Variants in ATP8B3 observed in about 807,000 individuals in gnomAD.
The protein encoded by ATP8B3 is phospholipid-transporting ATPase IK.
ATP8B3 carries 141 observed loss-of-function variants against 140.9 expected under a neutral mutation model. The ratio of observed to expected loss-of-function variants is 1.00; its 90% confidence interval spans 0.87 to 1.15. ATP8B3 has a LOEUF of 1.15. ATP8B3 is among the 50% of genes most tolerant of loss of function. The pLI is 0.00. For synonymous variants in ATP8B3, 765 were observed against 714.6 expected, an observed-to-expected ratio of 1.07 and a Z score of -1.13; for missense variants, 1,874 against 1,740.6, an observed-to-expected ratio of 1.08 and a Z score of -1.36.
chr19:1,807,188 G>T lies in ATP8B3; in HGVS notation c.595C>A (p.Arg199=). 1 of 1,611,842 alleles carries T rather than the reference G, an allele frequency of 6.2e-7. No homozygotes were observed. The highest frequency in any genetic ancestry group is 8.5e-7 in the Non-Finnish European group (1 of 1,179,182). The change falls in exon 6 of 29, where the codon CGG becomes AGG. Residue 199 remains arginine (R), a synonymous_variant. Transcript: ENST00000310127. The surrounding 1 kb of genome is among the most constrained non-coding windows in gnomAD (Gnocchi z 5.9). Reference sequence around the variant, plus strand: ...CTCACCATGTCGTCCACCAGGTCCCGGGTGGCACGGATGAAGAGGAGGCAG... The same window carrying T: ...CTCACCATGTCGTCCACCAGGTCCCTGGTGGCACGGATGAAGAGGAGGCAG... ...MVCLLFIRAT[R]DLVDDMGRHK...
Position 1,795,938 on chromosome 19 carries a change from C to T in ATP8B3, c.1992G>A (p.Thr664=), listed in dbSNP as rs529257997. Residue 664 remains threonine (T), a synonymous_variant, in exon 18 of 29, where the codon ACG becomes ACA. Transcript: ENST00000310127. The part of the protein sequence containing the change: ...AICLYTKGAD[T]VIFERLHRRG... ...TCCTGTGCAAGCGTTCGAAGATGACCGTGTCGGCGCCCTTGGTGTACAGGC... is the reference window on the plus strand; with the variant it reads ...TCCTGTGCAAGCGTTCGAAGATGACTGTGTCGGCGCCCTTGGTGTACAGGC... 2.1e-4 allele frequency: 341 copies of T among 1,613,226 alleles called. 1 individual carries two copies. The highest frequency in any genetic ancestry group is 4.1e-5 in the Non-Finnish European group (48 of 1,179,844).
At chr19:1,791,313 C>T (rs952934101) in intron 20 of ATP8B3, among the ~76,000 whole-genome samples, 2 of 151,860 alleles carry the variant, frequency 1.3e-5, no homozygotes, top group East Asian at 3.9e-4. Context: ...TGGGCATAAG[C>T]GAGCCTCCTG....
intron 21 of ATP8B3, 54 bp downstream of exon 21, chr19:1,790,703 C>T (rs1600409776): frequency 1.3e-6 from 2 of 1,499,612 alleles, no homozygotes; most frequent in Non-Finnish European, 1.8e-6. Flanking sequence ...CTGGGTGCTC[C>T]TTGTCCTCAC....
Position 1,800,338 on chromosome 19 carries a change from C to T in ATP8B3, c.1264G>A (p.Val422Met), listed in dbSNP as rs372244158. The T allele has an allele frequency of 9.3e-6, 15 of 1,612,638 alleles. No homozygotes were observed. Among genetic ancestry groups the T allele is most frequent in the South Asian group, 5.5e-5 (5 of 91,062 alleles). ...AAGACGAAGAAGGACTCTGCGGCCA[C>T]GCTGCTCCCATGCACCCCCGAGAGG... ...YYLSGVHGSS[V>M]AAESFFVFWS... Residue 422 changes from valine (V) to methionine (M), a missense_variant, in exon 13 of 29, where the codon GTG (valine) becomes ATG (methionine). Physicochemically the swap from Val to Met is conservative, Grantham distance 21. This residue lies in a region of ATP8B3 where 1,032 missense variants were observed against 963.6 expected (regional missense o/e 1.07). Transcript: ENST00000310127. This position sits in a 1 kb window ranked among gnomAD's most constrained non-coding sequence, Gnocchi z 4.4.
Position 1,789,044 on chromosome 19 carries a change from C to G in ATP8B3, c.2922G>C (p.Gln974His), listed in dbSNP as rs1342024878. The G allele has an allele frequency of 6.2e-7, 1 of 1,607,362 alleles. No homozygotes were observed. The highest frequency in any genetic ancestry group is 8.5e-7 in the Non-Finnish European group (1 of 1,177,786). ...GCAGGAGGCGCTGCAGGAAGCAGAACTGGCCGAGCACGAAGTCGCTGTTCT... is the reference window on the plus strand; with the variant it reads ...GCAGGAGGCGCTGCAGGAAGCAGAAGTGGCCGAGCACGAAGTCGCTGTTCT... Reference protein sequence around the residue: ...AVQNSDFVLGQFCFLQRLLLV... With the variant: ...AVQNSDFVLGHFCFLQRLLLV... The change falls in exon 24 of 29, where the codon CAG becomes CAC. Residue 974 changes from glutamine to histidine, a missense_variant. Physicochemically the swap from Gln to His is conservative, Grantham distance 24. This residue lies in a region of ATP8B3 where 840 missense variants were observed against 760.9 expected (regional missense o/e 1.10). Transcript: ENST00000310127.
At chr19:1,801,030 G>C in intron 12 of ATP8B3, among the ~76,000 whole-genome samples, 1 of 151,364 alleles carries the variant, frequency 6.6e-6, no homozygotes, top group Non-Finnish European at 1.5e-5. Flanking sequence ...GGGTTTCACT[G>C]TGTTAGCCAG....
rs2068398707 is a variant in ATP8B3, at chr19:1,789,090, T to C, written c.2876A>G (p.Gln959Arg). 5 of 1,577,596 alleles carry C rather than the reference T, an allele frequency of 3.2e-6. No individual in the cohort carries two copies. The highest frequency in any genetic ancestry group is 4.3e-6 in the Non-Finnish European group (5 of 1,168,478). The change falls in exon 24 of 29, where the codon CAG (glutamine) becomes CGG (arginine). Residue 959 changes from glutamine (Q) to arginine (R), a missense_variant. Transcript: ENST00000310127. ...TADVGVGLAGQEGMQAVQNSD... is the reference protein window; with the variant it reads ...TADVGVGLAGREGMQAVQNSD... ...GTTCTGAACTGCCTGCATGCCCTCCTGGCCCGCCAGCCCCACGCCCACGTC... is the reference window on the plus strand; with the variant it reads ...GTTCTGAACTGCCTGCATGCCCTCCCGGCCCGCCAGCCCCACGCCCACGTC...
chr19:1,805,503 T>C lies in ATP8B3; in HGVS notation c.822-47A>G. On this transcript the variant is annotated intron_variant, in intron 9 of 28. Coordinates refer to ENST00000310127, the MANE Select transcript of ATP8B3 (RefSeq NM_138813.4). This position sits in a 1 kb window ranked among gnomAD's most constrained non-coding sequence, Gnocchi z 5.2. ...AGGTGAAAGTGGAGTTGATGGATGCTTCGAGGAGCCCCCAGACCCCTTCTG... is the reference window on the plus strand; with the variant it reads ...AGGTGAAAGTGGAGTTGATGGATGCCTCGAGGAGCCCCCAGACCCCTTCTG... The C allele has an allele frequency of 6.8e-7, 1 of 1,460,790 alleles. No homozygotes were observed. The highest frequency in any genetic ancestry group is 1.2e-5 in the South Asian group (1 of 82,450). The allele number at this position is 1,460,790 out of a possible 1,614,324, so 90.5% of individuals were successfully genotyped here. A position where few individuals can be genotyped will look rare whatever the true frequency, so the allele number is the denominator to read the frequency against.
In ATP8B3 at chr19:1,782,248, G is replaced by C; in HGVS notation, c.*780C>G. 1 of 323,190 alleles carries C rather than the reference G, an allele frequency of 3.1e-6. No individual in the cohort carries two copies. The highest frequency in any genetic ancestry group is 5.8e-6 in the Non-Finnish European group (1 of 171,148). The allele number at this position is 323,190 out of a possible 1,614,324, so 20.0% of individuals were successfully genotyped here. The stretch of plus-strand genomic sequence containing the variant: ...ATGCCAGCGTGACTCCTTTGGGCTC[G>C]AAGATGCCTCTTCATCAGATGGGTC... On this transcript the variant is annotated 3_prime_UTR_variant, in exon 29 of 29. Coordinates refer to ENST00000310127, the MANE Select transcript of ATP8B3 (RefSeq NM_138813.4).
intron 10 of ATP8B3, among the ~76,000 whole-genome samples, chr19:1,803,344 C>G (rs2068911667): frequency 1.3e-5 from 2 of 152,274 alleles, no homozygotes; most frequent in African/African-American, 2.4e-5. Flanking sequence ...GGATGGGGAC[C>G]CTGACTCCAT....
At position 1,789,530 on chromosome 19, in the gene ATP8B3, C is replaced by T. The variant is rs750750483; in HGVS notation, c.2676G>A (p.Glu892=). ...AQDSRARRSS[E]VLQERAFVDL... The stretch of plus-strand genomic sequence containing the variant: ...CCACGAAGGCGCGCTCCTGCAGCAC[C>T]TCGGAGCTACGGCGGGCTCTGGAGT... Residue 892 remains glutamate, a synonymous_variant, in exon 23 of 29, where the codon GAG becomes GAA. Coordinates refer to ENST00000310127, the MANE Select transcript of ATP8B3 (RefSeq NM_138813.4). 14 of 1,598,096 alleles carry T rather than the reference C, an allele frequency of 8.8e-6. No homozygotes were observed. The highest frequency in any genetic ancestry group is 1.1e-5 in the Non-Finnish European group (13 of 1,178,736).
Position 1,792,133 on chromosome 19 carries a change from G to C in ATP8B3, c.2058C>G (p.Ala686=), listed in dbSNP as rs754955829. The change falls in exon 19 of 29, where the codon GCC becomes GCG. Residue 686 remains alanine (A), a splice_region_variant and synonymous_variant. Coordinates refer to ENST00000310127, the MANE Select transcript of ATP8B3 (RefSeq NM_138813.4). ...GTGTCCGCAGGGTCTCCTGGGCAAA[G>C]GCCTGGGGGCCGGGCAGGTGGAAGC... ...MEFATEEALA[A]FAQETLRTLC... is the part of the protein sequence containing the mutation. The C allele has an allele frequency of 7.6e-6, 12 of 1,573,324 alleles. No individual in the cohort carries two copies. The East Asian group carries it at 2.5e-4, about 33-fold the overall frequency.
Position 1,806,637 on chromosome 19 carries a change from A to C in ATP8B3, c.668T>G (p.Met223Arg). The change falls in exon 7 of 29, where the codon ATG becomes AGG. Residue 223 changes from methionine to arginine, a missense_variant. Around this residue, in one of 3 missense-constraint regions of ATP8B3, gnomAD observed 1,032 missense variants for 963.6 expected, o/e 1.07. Transcript: ENST00000310127. The surrounding 1 kb of genome is among the most constrained non-coding windows in gnomAD (Gnocchi z 5.6). ...AINNRPCQIL[M>R]GKSFKQKKWQ... ...GCAGCCCCAGCCTCACCTCTTCCCC[A>C]TCAGAATCTGGCAGGGTCTGTTGTT... 2 of 1,559,526 alleles carry C rather than the reference A, an allele frequency of 1.3e-6. No homozygotes were observed. The highest frequency in any genetic ancestry group is 1.7e-6 in the Non-Finnish European group (2 of 1,151,974).
At chr19:1,801,239 C>T (rs2068838789) in intron 12 of ATP8B3, among the ~76,000 whole-genome samples, 1 of 151,844 alleles carries the variant, frequency 6.6e-6, no homozygotes, top group South Asian at 2.1e-4. Flanking sequence ...GCAACCTCCA[C>T]CTCTGGGGTT....
rs1002779765 is a variant in ATP8B3, at chr19:1,794,921, C to G, written c.2055+954G>C. On this transcript the variant is annotated intron_variant, in intron 18 of 28. Coordinates refer to ENST00000310127, the MANE Select transcript of ATP8B3 (RefSeq NM_138813.4). This position sits in a 1 kb window ranked among gnomAD's most constrained non-coding sequence, Gnocchi z 4.8. ...GACGGAGCTGAGTGTGTCCTGGCAG[C>G]TGGGCCAGCTCAACCGCACGGTCGT... 6.6e-6 allele frequency among the ~76,000 whole-genome samples: 1 copy of G among 152,216 alleles called. No individual in the cohort carries two copies. Among genetic ancestry groups the G allele is most frequent in the African/African-American group, 2.4e-5 (1 of 41,462 alleles).
intron 19 of ATP8B3, 51 bp from the exon 20 acceptor site, chr19:1,791,912 TC>T: frequency 6.2e-7 from 1 of 1,603,756 alleles, no homozygotes. Context: ...GCCGTCCAGC[TC>T]CCTGGCGGGG....
chr19:1,803,567 C>T (rs564657876), intron 10 of ATP8B3, among the ~76,000 whole-genome samples: 7 of 152,232 alleles, frequency 4.6e-5, no homozygotes, highest in South Asian at 2.1e-4. Context: ...GAGGAAGAGC[C>T]GCTGCCTGTC....
In ATP8B3 at chr19:1,791,533, G is replaced by A. The variant is rs146799936; in HGVS notation, c.2302+217C>T. Among the ~76,000 whole-genome samples the A allele has an allele frequency of 5.7e-3, 866 of 152,084 alleles. 2 individuals carry two copies. The highest frequency in any genetic ancestry group is 9.3e-3 in the Non-Finnish European group (635 of 67,974). Reference sequence around the variant, plus strand: ...CTCCTGAGTAGCTGGGATTACAGATGCGCACCACCACACCTGGCCAGGCCC... The same window carrying A: ...CTCCTGAGTAGCTGGGATTACAGATACGCACCACCACACCTGGCCAGGCCC... On this transcript the variant is annotated intron_variant, in intron 20 of 28. Transcript: ENST00000310127.
At chr19:1,786,317 G>A (rs890049543) in intron 25 of ATP8B3, among the ~76,000 whole-genome samples, 15 of 152,218 alleles carry the variant, frequency 9.9e-5, no homozygotes, top group Non-Finnish European at 1.3e-4. Flanking sequence ...TGTAATCCCA[G>A]CACTTGGGGA....
Sources: allele counts gnomAD v4.1 joint callset (sites outside exome capture counted in the v4.1 genomes callset), GRCh38; gene constraint gnomAD v4.1.1; regional missense constraint gnomAD v4.1.1; non-coding constraint Gnocchi (gnomAD v3.1); transcripts MANE v1.5; gene names NCBI Gene and HGNC (gene_info 2026-07-23, HGNC 2026-07-21).